Variants in INO80D observed in about 807,000 individuals in gnomAD.
INO80D encodes INO80 complex subunit D.
A neutral mutation model predicts 87.6 loss-of-function variants in INO80D; 21 were observed. The observed-to-expected ratio is 0.24, with a 90% confidence interval of 0.17 to 0.35. The LOEUF (loss-of-function observed/expected upper bound fraction) is 0.35. Ranked by LOEUF, INO80D falls within the 10% of genes least tolerant of loss-of-function variation. The pLI is 1.00. For missense variants in INO80D, 982 were observed against 1,280.7 expected (o/e 0.77, Z 3.56); for synonymous variants, 440 against 491.0 (o/e 0.90, Z 1.37).
rs1376281175 is a variant in INO80D, at chr2:205,995,408, CT to C, written c.*8959del. The C allele has an allele frequency of 6.6e-6, 1 of 152,094 alleles. No individual in the cohort carries two copies. Among genetic ancestry groups the C allele is most frequent in the Non-Finnish European group, 1.5e-5 (1 of 67,996 alleles). The allele number at this position is 152,094 out of a possible 1,614,324, so 9.4% of individuals were successfully genotyped here. A position where few individuals can be genotyped will look rare whatever the true frequency, so the allele number is the denominator to read the frequency against. On this transcript the variant is annotated 3_prime_UTR_variant, in exon 11 of 11. Transcript: ENST00000403263. ...GAGACTTTAAATGTTCTTTAAATAA[CT>C]TTTGATAATGTATTTTAAATCATTA... is the stretch of plus-strand genomic sequence containing the variant.
intron 10 of INO80D, among the ~76,000 whole-genome samples, chr2:206,006,605 C>T (rs1688031549): frequency 6.8e-6 from 1 of 147,828 alleles, no homozygotes; most frequent in African/African-American, 2.5e-5. Context: ...ATCGCTGGAA[C>T]ATGGGAGGCA....
At chr2:206,028,583 CACTT>C (rs1688678934) in intron 5 of INO80D, among the ~76,000 whole-genome samples, 1 of 152,178 alleles carries the variant, frequency 6.6e-6, no homozygotes, top group African/African-American at 2.4e-5. Context: ...CATCAGTAGA[CACTT>C]AATATACCAG....
At chr2:206,019,690 T>A (rs1248059255) in intron 7 of INO80D, 46 bp downstream of exon 7, 3 of 1,392,926 alleles carry the variant, frequency 2.2e-6, no homozygotes, top group Non-Finnish European at 3.0e-6. Context: ...AGCCCCAAAT[T>A]AGGTAGTACT....
At chr2:206,021,406 A>T (rs1310982827) in intron 6 of INO80D, among the ~76,000 whole-genome samples, 1 of 152,260 alleles carries the variant, frequency 6.6e-6, no homozygotes, top group Non-Finnish European at 1.5e-5. Flanking sequence ...TGTCACGATT[A>T]TAAGAATAGG....
At chr2:206,073,155 G>A (rs1008608593) in intron 1 of INO80D, among the ~76,000 whole-genome samples, 1 of 151,992 alleles carries the variant, frequency 6.6e-6, no homozygotes, top group African/African-American at 2.4e-5. Context: ...TTCTAATTGA[G>A]TATTATTGTA....
At chr2:206,007,188 G>A (rs551868470) in intron 10 of INO80D, 96 bp downstream of exon 10, 2 of 1,026,006 alleles carry the variant, frequency 1.9e-6, no homozygotes, top group Non-Finnish European at 2.9e-6. Context: ...CATTACATGT[G>A]AGGAGGAATA....
chr2:206,041,467 G>A (rs1689049576), intron 5 of INO80D, among the ~76,000 whole-genome samples: 1 of 152,176 alleles, frequency 6.6e-6, no homozygotes, highest in African/African-American at 2.4e-5. Context: ...CTGGGATATA[G>A]AGGACCATTT....
intron 5 of INO80D, among the ~76,000 whole-genome samples, chr2:206,044,684 A>G (rs1689149118): frequency 6.6e-6 from 1 of 152,216 alleles, no homozygotes; most frequent in Admixed American, 6.5e-5. Flanking sequence ...AGAAGGCAGA[A>G]TAGAATACAC....
intron 3 of INO80D, among the ~76,000 whole-genome samples, chr2:206,057,458 G>A (rs1689555310): frequency 6.6e-6 from 1 of 152,136 alleles, no homozygotes; most frequent in African/African-American, 2.4e-5. Flanking sequence ...AATGAAATAA[G>A]AAAGTAAAAG....
At chr2:206,080,389 C>G (rs1015237599) in intron 1 of INO80D, among the ~76,000 whole-genome samples, 1 of 152,136 alleles carries the variant, frequency 6.6e-6, no homozygotes. Flanking sequence ...CCTTTGCCCT[C>G]GGTGTACTTA....
At chr2:206,075,986 A>T (rs934512604) in intron 1 of INO80D, among the ~76,000 whole-genome samples, 2 of 149,210 alleles carry the variant, frequency 1.3e-5, no homozygotes, top group African/African-American at 4.9e-5. Flanking sequence ...CGGGAGGTGG[A>T]GGTTGCAGTA....
chr2:206,073,017 T>C (rs570750158), intron 1 of INO80D, among the ~76,000 whole-genome samples: 2 of 152,278 alleles, frequency 1.3e-5, no homozygotes, highest in East Asian at 3.9e-4. Context: ...TTTTAATTTA[T>C]TGTAGAGATG....
chr2:206,058,650 G>A (rs941878688), intron 3 of INO80D, among the ~76,000 whole-genome samples: 10 of 151,844 alleles, frequency 6.6e-5, no homozygotes, highest in African/African-American at 1.7e-4. Flanking sequence ...TACAAGAATC[G>A]CTTGAACCCG....
chr2:206,063,027 T>G lies in INO80D; in HGVS notation c.-11A>C. 1 of 1,589,286 alleles carries G rather than the reference T, an allele frequency of 6.3e-7. No homozygotes were observed. The highest frequency in any genetic ancestry group is 8.6e-7 in the Non-Finnish European group (1 of 1,160,492). On this transcript the variant is annotated 5_prime_UTR_variant, in exon 3 of 11. Transcript: ENST00000403263. ...TTTCCCTTCATACATCACGTGACTC[T>G]ATTCCTTGTGAACATCAGCTAAAAG...
chr2:206,067,219 C>T lies in INO80D; in HGVS notation c.-123-3975G>A, dbSNP rs543168026. Among the ~76,000 whole-genome samples, 3 of 151,670 alleles carry T rather than the reference C, an allele frequency of 2.0e-5. No individual in the cohort carries two copies. In the East Asian group the frequency reaches 5.8e-4, roughly 29 times the overall value. On this transcript the variant is annotated intron_variant, in intron 1 of 10. Coordinates refer to ENST00000403263, the MANE Select transcript of INO80D (RefSeq NM_017759.5). ...CCAAGATCGCACCACTGCACTCCAG[C>T]CCGGGCAACAGAGTGCAACCGTCTC...
chr2:206,052,146 T>C (rs1379658618), intron 4 of INO80D, among the ~76,000 whole-genome samples: 1 of 152,222 alleles, frequency 6.6e-6, no homozygotes, highest in Non-Finnish European at 1.5e-5. Flanking sequence ...CTTACACAAC[T>C]GTTTTTATTG....
intron 8 of INO80D, among the ~76,000 whole-genome samples, chr2:206,014,721 T>G (rs1467960039): frequency 6.6e-6 from 1 of 151,018 alleles, no homozygotes; most frequent in East Asian, 1.9e-4. Flanking sequence ...ACCAGTAGAG[T>G]GGGGTGCTGC....
intron 9 of INO80D, among the ~76,000 whole-genome samples, chr2:206,009,143 C>T (rs1020153445): frequency 3.3e-5 from 5 of 152,128 alleles, no homozygotes; most frequent in African/African-American, 1.2e-4. Context: ...AACCCCGTCT[C>T]TACTAAAAAT....
rs1292913876 is a variant in INO80D, at chr2:206,002,449, T to C, written c.*1919A>G. 6.6e-6 allele frequency: 1 copy of C among 152,154 alleles called. No individual in the cohort carries two copies. The allele number at this position is 152,154 out of a possible 1,614,324, so 9.4% of individuals were successfully genotyped here. A position where few individuals can be genotyped will look rare whatever the true frequency, so the allele number is the denominator to read the frequency against. On this transcript the variant is annotated 3_prime_UTR_variant, in exon 11 of 11. Coordinates refer to ENST00000403263, the MANE Select transcript of INO80D (RefSeq NM_017759.5). ...AAGGCAAAGCTATTAAAAATAAATCTTCCAATCAATTACCATGATTTTAAA... is the reference window on the plus strand; with the variant it reads ...AAGGCAAAGCTATTAAAAATAAATCCTCCAATCAATTACCATGATTTTAAA...
Sources: gnomAD v4.1 joint callset for allele counts (sites outside exome capture counted in the v4.1 genomes callset) on GRCh38, gnomAD v4.1.1 for gene constraint, MANE v1.5 for transcripts, NCBI Gene and HGNC (gene_info 2026-07-23, HGNC 2026-07-21) for gene names.